Variants in SLMAP observed in about 807,000 individuals in gnomAD.
The protein encoded by SLMAP is sarcolemmal membrane-associated protein.
Under a neutral mutation model 128.8 loss-of-function variants are expected in SLMAP, and 44 were observed. That is an observed-to-expected ratio of 0.34 (90% CI 0.27 to 0.44). The LOEUF (loss-of-function observed/expected upper bound fraction) is 0.44, where lower values mean the gene tolerates loss of function less well. Among genes scored for constraint, SLMAP ranks in the 20% least tolerant of loss-of-function variants. The probability of loss-of-function intolerance (pLI) is 1.00; values close to 1 mark genes in which losing one functional copy is unlikely to be tolerated. For synonymous variants in SLMAP, 327 were observed against 348.8 expected (o/e 0.94, Z 0.70); for missense variants, 787 against 985.3 (o/e 0.80, Z 2.69).
intron 6 of SLMAP, among the ~76,000 whole-genome samples, chr3:57,854,322 C>A (rs1352950367): frequency 2.5e-4 from 1 of 4,036 alleles, no homozygotes; most frequent in Non-Finnish European, 4.4e-4. Context: ...ATTGGCCGGG[C>A]ACGGGGGCTC....
chr3:57,876,379 A>T (rs1176984119), intron 14 of SLMAP, among the ~76,000 whole-genome samples: 1 of 152,230 alleles, frequency 6.6e-6, no homozygotes, highest in Non-Finnish European at 1.5e-5. Flanking sequence ...TCTAAGAAAA[A>T]CTTTAAATTC....
chr3:57,858,816 C>T (rs1331656262), intron 8 of SLMAP, among the ~76,000 whole-genome samples: 1 of 152,106 alleles, frequency 6.6e-6, no homozygotes, highest in Non-Finnish European at 1.5e-5. Context: ...GTGGCACATG[C>T]CTGTAATCCC....
chr3:57,832,922 A>G (rs2093425600), intron 3 of SLMAP, among the ~76,000 whole-genome samples: 1 of 152,224 alleles, frequency 6.6e-6, no homozygotes, highest in Admixed American at 6.5e-5. Context: ...AGAGAATTCA[A>G]CTTATATATG....
At chr3:57,779,718 A>G (rs1304862782) in intron 2 of SLMAP, among the ~76,000 whole-genome samples, 1 of 152,086 alleles carries the variant, frequency 6.6e-6, no homozygotes, top group East Asian at 1.9e-4. Flanking sequence ...TCTCATAATC[A>G]AGTACTTCTG....
chr3:57,859,843 A>G (rs2094964405), intron 8 of SLMAP, among the ~76,000 whole-genome samples: 1 of 152,168 alleles, frequency 6.6e-6, no homozygotes, highest in South Asian at 2.1e-4. Flanking sequence ...AACCACTTGT[A>G]TCTCTAAAGG....
chr3:57,779,344 C>T (rs1216869807), intron 2 of SLMAP, among the ~76,000 whole-genome samples: 1 of 151,304 alleles, frequency 6.6e-6, no homozygotes, highest in East Asian at 1.9e-4. Flanking sequence ...TCCATCTCTA[C>T]AAAATATACA....
At chr3:57,804,383 A>G (rs1016984480) in intron 2 of SLMAP, among the ~76,000 whole-genome samples, 10 of 152,236 alleles carry the variant, frequency 6.6e-5, no homozygotes, top group Non-Finnish European at 1.5e-5. Context: ...GATGATTAAG[A>G]AGTCAGGAAT....
chr3:57,920,042 A>T (rs1428468764), intron 22 of SLMAP, among the ~76,000 whole-genome samples: 1 of 152,180 alleles, frequency 6.6e-6, no homozygotes, highest in Non-Finnish European at 1.5e-5. Context: ...GAATGGTGGA[A>T]AAGGAAAGTA....
At chr3:57,773,166 G>T (rs1044596723) in intron 2 of SLMAP, among the ~76,000 whole-genome samples, 1 of 152,222 alleles carries the variant, frequency 6.6e-6, no homozygotes, top group Non-Finnish European at 1.5e-5. Flanking sequence ...AAAATGACCA[G>T]TGTTTCCTCC....
intron 15 of SLMAP, chr3:57,891,239 A>AT (rs1305892269): frequency 6.6e-6 from 1 of 152,028 alleles, no homozygotes; most frequent in Non-Finnish European, 1.5e-5. Flanking sequence ...TAATTAAAAT[A>AT]TCTTGCTATC....
At chr3:57,922,303 C>G (rs1332351694) in intron 22 of SLMAP, among the ~76,000 whole-genome samples, 1 of 151,918 alleles carries the variant, frequency 6.6e-6, no homozygotes, top group South Asian at 2.1e-4. Context: ...CTGTAACTCA[C>G]TTGGTGGAAA....
chr3:57,914,217 G>A (rs1054442010), intron 21 of SLMAP, among the ~76,000 whole-genome samples: 26 of 152,020 alleles, frequency 1.7e-4, no homozygotes, highest in Admixed American at 1.7e-3. Context: ...CCGGCCGGGT[G>A]TGGACATTAT....
chr3:57,891,577 C>CT (rs11434318), intron 15 of SLMAP, among the ~76,000 whole-genome samples: 35,895 of 145,618 alleles, frequency 0.25, 4,882 homozygotes, highest in Non-Finnish European at 0.32. Flanking sequence ...GTTTTTAACC[C>CT]TTTTTTTTTT....
At chr3:57,839,434 ATTTT>A (rs1189313640) in intron 3 of SLMAP, among the ~76,000 whole-genome samples, 2 of 82,866 alleles carry the variant, frequency 2.4e-5, no homozygotes, top group African/African-American at 5.1e-5. Flanking sequence ...CATTAGCTCT[ATTTT>A]TTTTTTTTTT....
chr3:57,884,278 T>C (rs899821852), intron 14 of SLMAP, among the ~76,000 whole-genome samples: 1 of 152,146 alleles, frequency 6.6e-6, no homozygotes, highest in African/African-American at 2.4e-5. Context: ...TCTTTCTTTA[T>C]TCAGAAAGAC....
chr3:57,873,541 CTATT>C (rs967439217), intron 14 of SLMAP, among the ~76,000 whole-genome samples: 4 of 152,092 alleles, frequency 2.6e-5, no homozygotes, highest in African/African-American at 9.7e-5. Flanking sequence ...ATAAATAAAA[CTATT>C]TATAAAGCAA....
intron 6 of SLMAP, among the ~76,000 whole-genome samples, chr3:57,855,904 C>T (rs767474313): frequency 2.0e-5 from 3 of 151,636 alleles, no homozygotes; most frequent in East Asian, 3.9e-4. Flanking sequence ...ATGAGCCAGG[C>T]GTGGTGGTGC....
At chr3:57,864,260 A>T (rs1199507362) in intron 10 of SLMAP, among the ~76,000 whole-genome samples, 1 of 152,182 alleles carries the variant, frequency 6.6e-6, no homozygotes, top group East Asian at 1.9e-4. Context: ...ATACAAAATT[A>T]GCTGGGTATG....
At chr3:57,837,797 A>G (rs767777061) in intron 3 of SLMAP, among the ~76,000 whole-genome samples, 25 of 152,318 alleles carry the variant, frequency 1.6e-4, no homozygotes, top group Middle Eastern at 3.4e-3. Context: ...AGAACAAAAT[A>G]TTTTCATCAG....
Sources: allele counts gnomAD v4.1 joint callset (sites outside exome capture counted in the v4.1 genomes callset), GRCh38; gene constraint gnomAD v4.1.1; transcripts MANE v1.5; gene names NCBI Gene and HGNC (gene_info 2026-07-23, HGNC 2026-07-21).